The following HECW2 variants were observed in gnomAD, a reference collection of about 807,000 sequenced individuals.
The protein encoded by HECW2 is HECT, C2 and WW domain containing E3 ubiquitin protein ligase 2.
HECW2 carries 61 observed loss-of-function variants against 175.2 expected under a neutral mutation model. The observed-to-expected ratio is 0.35, with a 90% CI of 0.28 to 0.43. HECW2 has a LOEUF of 0.43. Ranked by LOEUF, HECW2 falls within the 20% of genes least tolerant of loss-of-function variation. The pLI is 1.00. For missense variants in HECW2, 1,524 were observed against 2,000.5 expected (o/e 0.76, Z 4.54); for synonymous variants, 671 against 731.0 (o/e 0.92, Z 1.32).
At chr2:196,374,349 G>A (rs1693991382) in intron 2 of HECW2, among the ~76,000 whole-genome samples, 1 of 152,186 alleles carries the variant, frequency 6.6e-6, no homozygotes, top group Admixed American at 6.5e-5. Flanking sequence ...ATTTAAAGTT[G>A]TAAAAGAAAT....
At chr2:196,432,213 CT>C (rs1695735015) in intron 2 of HECW2, among the ~76,000 whole-genome samples, 1 of 151,616 alleles carries the variant, frequency 6.6e-6, no homozygotes, top group Non-Finnish European at 1.5e-5. Context: ...ACAGATGGGT[CT>C]TTTTTTCCTC....
chr2:196,537,029 T>C (rs1472840389), intron 1 of HECW2, among the ~76,000 whole-genome samples: 1 of 152,214 alleles, frequency 6.6e-6, no homozygotes, highest in African/African-American at 2.4e-5. Context: ...AACCAATTCC[T>C]TTCTGTTCAA....
chr2:196,222,424 T>C, intron 23 of HECW2, 84 bp from the exon 24 acceptor site: 1 of 1,329,814 alleles, frequency 7.5e-7, no homozygotes, highest in Non-Finnish European at 1.0e-6. Context: ...AACTAAGAAT[T>C]AAAGAGAAGA....
chr2:196,550,838 A>G (rs1689583470), intron 1 of HECW2, among the ~76,000 whole-genome samples: 1 of 152,242 alleles, frequency 6.6e-6, no homozygotes, highest in Non-Finnish European at 1.5e-5. Context: ...ATACATGATC[A>G]GTGAGAACAT....
intron 1 of HECW2, among the ~76,000 whole-genome samples, chr2:196,562,305 C>A (rs1690028515): frequency 6.6e-6 from 1 of 152,118 alleles, no homozygotes; most frequent in African/African-American, 2.4e-5. Flanking sequence ...CTTACATGTA[C>A]TTTAAATGTA....
At chr2:196,245,573 G>A (rs1314818135) in intron 19 of HECW2, among the ~76,000 whole-genome samples, 6 of 152,172 alleles carry the variant, frequency 3.9e-5, no homozygotes, top group South Asian at 2.1e-4. Flanking sequence ...CTGAGTTAGT[G>A]TGTTTATGGC....
chr2:196,583,437 T>C (rs189321818), intron 1 of HECW2, among the ~76,000 whole-genome samples: 50 of 152,352 alleles, frequency 3.3e-4, no homozygotes, highest in Admixed American at 1.3e-3. Flanking sequence ...ATCCAACATA[T>C]GTGAGGATCT....
Position 196,319,834 on chromosome 2 carries a change from G to A in HECW2, c.1056C>T (p.Ser352=), listed in dbSNP as rs61752163. The change falls in exon 9 of 29, where the codon TCC becomes TCT. Residue 352 remains serine (S), a synonymous_variant. Coordinates refer to ENST00000644978, the MANE Select transcript of HECW2 (RefSeq NM_001348768.2). ...NSVNGDLGSP[S]DDEDMPGSHH... ...GGCTCCCTGGCATGTCCTCGTCATC[G>A]GAAGGGCTACCTAAGTCTCCATTCA... 296 of 1,614,036 alleles carry A rather than the reference G, an allele frequency of 1.8e-4. No individual in the cohort carries two copies. The highest frequency in any genetic ancestry group is 2.4e-4 in the Non-Finnish European group (282 of 1,180,022).
rs771798230 is a variant in HECW2 at position 196,274,006 on chromosome 2, A to G, written c.3238+15T>C. The G allele has an allele frequency of 2.1e-5, 32 of 1,553,242 alleles. No individual in the cohort carries two copies. The highest frequency in any genetic ancestry group is 5.0e-5 in the Admixed American group (3 of 59,814). On this transcript the variant is annotated intron_variant, in intron 16 of 28. Transcript: ENST00000644978. Reference sequence around the variant, plus strand: ...GCACAAAAGGACAGATGATTTCTGGAAAGGGATGACATACCCACTGGAACC... The same window carrying G: ...GCACAAAAGGACAGATGATTTCTGGGAAGGGATGACATACCCACTGGAACC...
intron 1 of HECW2, among the ~76,000 whole-genome samples, chr2:196,495,070 T>TTC (rs1444657392): frequency 2.7e-5 from 4 of 149,234 alleles, no homozygotes; most frequent in African/African-American, 1.0e-4. Context: ...ACATATATCA[T>TTC]TCTTTTTTTT....
At chr2:196,238,674 C>T (rs777899341) in intron 21 of HECW2, 9 of 152,208 alleles carry the variant, frequency 5.9e-5, no homozygotes, top group Non-Finnish European at 1.2e-4. Flanking sequence ...ACTGAGCTCA[C>T]AGCTTAGAAC....
chr2:196,545,017 G>C (rs1288047860), intron 1 of HECW2, among the ~76,000 whole-genome samples: 1 of 152,228 alleles, frequency 6.6e-6, no homozygotes, highest in Non-Finnish European at 1.5e-5. Context: ...CTACATGTGA[G>C]TGGGCGTGTG....
chr2:196,196,401 A>AT lies in HECW2; in HGVS notation c.*4875dup, dbSNP rs1686690294. On this transcript the variant is annotated 3_prime_UTR_variant, in exon 29 of 29. Coordinates refer to ENST00000644978, the MANE Select transcript of HECW2 (RefSeq NM_001348768.2). ...TGGGAAAGAAACTAAGTTTTTGAAA[A>AT]TTAGAGTCTAAAAGTGACATTCTCA... is the stretch of plus-strand genomic sequence containing the variant. 1 of 152,240 alleles carries AT rather than the reference A, an allele frequency of 6.6e-6. No homozygotes were observed. Among genetic ancestry groups the AT allele is most frequent in the Admixed American group, 6.5e-5 (1 of 15,282 alleles). 9.4% of individuals were successfully genotyped at this position (152,240 alleles called of 1,614,324 possible). A position where few individuals can be genotyped will look rare whatever the true frequency, so the allele number is the denominator to read the frequency against.
intron 17 of HECW2, 177 bp from the exon 18 acceptor site, chr2:196,258,083 G>A (rs374374840): frequency 7.1e-6 from 4 of 563,194 alleles, no homozygotes; most frequent in Non-Finnish European, 3.1e-6. Flanking sequence ...GCCTTCAAGG[G>A]GGGGGATCTT....
At chr2:196,307,912 C>CA in intron 11 of HECW2, 23 bp downstream of exon 11, 1 of 1,488,674 alleles carries the variant, frequency 6.7e-7, no homozygotes, top group South Asian at 1.4e-5. Flanking sequence ...ATACAACAGT[C>CA]ACAGCAAAAT....
Position 196,201,240 on chromosome 2 carries a change from C to G in HECW2, c.*37G>C, listed in dbSNP as rs3820908. ...ATTCTTCTAGAAGGCAGCTTCTGAA[C>G]CTGCCTGTCCACAGAGATGGGCATT... On this transcript the variant is annotated 3_prime_UTR_variant, in exon 29 of 29. Coordinates refer to ENST00000644978, the MANE Select transcript of HECW2 (RefSeq NM_001348768.2). 1 of 1,332,124 alleles carries G rather than the reference C, an allele frequency of 7.5e-7. No individual in the cohort carries two copies. The allele number at this position is 1,332,124 out of a possible 1,614,324, so 82.5% of individuals were successfully genotyped here.
chr2:196,574,814 G>A (rs1195916694), intron 1 of HECW2, among the ~76,000 whole-genome samples: 3 of 152,044 alleles, frequency 2.0e-5, no homozygotes, highest in South Asian at 2.1e-4. Context: ...TATGGTACCA[G>A]CATAAAAAAC....
rs543401481 is a variant in HECW2 at position 196,451,836 on chromosome 2, T to C, written c.-35-18378A>G. Among the ~76,000 whole-genome samples, 6 of 152,092 alleles carry C rather than the reference T, an allele frequency of 3.9e-5. No individual in the cohort carries two copies. The South Asian group carries it at 1.2e-3, about 32-fold the overall frequency. The stretch of plus-strand genomic sequence containing the variant: ...ATCCCTTGAACCCAGGAGGCGGAAG[T>C]TGCAGTGAACCGAGATCACACCGCT... On this transcript the variant is annotated intron_variant, in intron 1 of 28. Coordinates refer to ENST00000644978, the MANE Select transcript of HECW2 (RefSeq NM_001348768.2).
chr2:196,432,095 C>G (rs1324120811), intron 2 of HECW2, among the ~76,000 whole-genome samples: 4 of 151,696 alleles, frequency 2.6e-5, no homozygotes, highest in Non-Finnish European at 5.9e-5. Context: ...TTACAGCACC[C>G]TGGCTTCATA....
Sources: allele counts gnomAD v4.1 joint callset (sites outside exome capture counted in the v4.1 genomes callset), GRCh38; gene constraint gnomAD v4.1.1; transcripts MANE v1.5; gene names NCBI Gene and HGNC (gene_info 2026-07-23, HGNC 2026-07-21).